The following RMDN1 variants were observed in gnomAD, a reference collection of about 807,000 sequenced individuals.
RMDN1 encodes the protein regulator of microtubule dynamics 1, also known as regulator of microtubule dynamics protein 1.
Under a neutral mutation model 48.9 loss-of-function variants are expected in RMDN1, and 48 were observed. The ratio of observed to expected loss-of-function variants is 0.98; its 90% CI spans 0.78 to 1.25. The LOEUF (loss-of-function observed/expected upper bound fraction) is 1.25. RMDN1 is among the 50% of genes most tolerant of loss of function. The pLI is 0.00. For missense variants in RMDN1, 418 were observed against 373.4 expected, an observed-to-expected ratio of 1.12 and a Z score of -0.98; for synonymous variants, 148 against 132.6, an observed-to-expected ratio of 1.12 and a Z score of -0.80.
intron 1 of RMDN1, among the ~76,000 whole-genome samples, chr8:86,513,889 C>T (rs1820174946): frequency 6.7e-6 from 1 of 149,826 alleles, no homozygotes; most frequent in Admixed American, 6.6e-5. Context: ...GTCTGTTTGT[C>T]ACCCAGGCTG....
intron 2 of RMDN1, among the ~76,000 whole-genome samples, chr8:86,501,603 G>A (rs1586756361): frequency 6.6e-6 from 1 of 151,914 alleles, no homozygotes; most frequent in Admixed American, 6.5e-5. Context: ...GGCCCGGGGA[G>A]GTAGAGGCTA....
rs1812693889 is a variant in RMDN1, at chr8:86,472,438, G to T, written c.*1870C>A. 1.4e-6 allele frequency: 1 copy of T among 702,378 alleles called. No individual in the cohort carries two copies. The highest frequency in any genetic ancestry group is 2.6e-6 in the Non-Finnish European group (1 of 384,976). 43.5% of individuals were successfully genotyped at this position (702,378 alleles called of 1,614,324 possible). ...CAGCAGAATGCCACATCCCTAGAAA[G>T]ACCCACTTCCTGGCCCTTCAGCTGC... On this transcript the variant is annotated 3_prime_UTR_variant, in exon 10 of 10. Transcript: ENST00000406452.
At chr8:86,501,591 C>T (rs1211083181) in intron 2 of RMDN1, among the ~76,000 whole-genome samples, 3 of 151,800 alleles carry the variant, frequency 2.0e-5, no homozygotes, top group Non-Finnish European at 2.9e-5. Context: ...GAGAATCACC[C>T]GGGCCCGGGG....
At position 86,500,390 on chromosome 8, in the gene RMDN1, A is replaced by C. The variant is rs902765889; in HGVS notation, c.247+6605T>G. Among the ~76,000 whole-genome samples the C allele has an allele frequency of 5.3e-5, 8 of 152,272 alleles. 1 individual carries two copies. The Middle Eastern group carries it at 0.01, about 194-fold the overall frequency. ...AAAAGACATGAACACTTCTCAAAAA[A>C]AGACATACAAGCAGCAGCCAATAAA... On this transcript the variant is annotated intron_variant, in intron 2 of 9. Transcript: ENST00000406452.
chr8:86,471,486 A>T (rs909829851), downstream of RMDN1, among the ~76,000 whole-genome samples: 18 of 152,278 alleles, frequency 1.2e-4, 1 homozygote, highest in Middle Eastern at 0.01. Context: ...TTAGATATTT[A>T]AAAAATCTGA....
At chr8:86,474,444 AAG>A in intron 9 of RMDN1, 86 bp from the exon 10 acceptor site, 1 of 1,122,330 alleles carries the variant, frequency 8.9e-7, no homozygotes, top group Non-Finnish European at 1.3e-6. Flanking sequence ...TGGGGTTTCT[AAG>A]AGTTTCCAAA....
intron 3 of RMDN1, among the ~76,000 whole-genome samples, chr8:86,487,486 G>T (rs886145951): frequency 5.9e-5 from 9 of 152,132 alleles, no homozygotes; most frequent in African/African-American, 1.9e-4. Flanking sequence ...TACTCGGGAG[G>T]CTGAGCCAGA....
At chr8:86,469,178 T>C (rs192488232), downstream of RMDN1, among the ~76,000 whole-genome samples, 2 of 138,566 alleles carry the variant, frequency 1.4e-5, no homozygotes, top group African/African-American at 5.0e-5. Flanking sequence ...TTTTGTTTGT[T>C]TGTCCCGCCC....
Position 86,480,346 on chromosome 8 carries a change from A to G in RMDN1, c.586-14T>C, listed in dbSNP as rs553191030. ...TTCAATTGCTTTCTAACAAGAAATG[A>G]GAAAAATAAATCATATTTGTTTTCT... On this transcript the variant is annotated splice_polypyrimidine_tract_variant and intron_variant, in intron 5 of 9. Transcript: ENST00000406452. 2 of 1,440,092 alleles carry G rather than the reference A, an allele frequency of 1.4e-6. No individual in the cohort carries two copies. Among genetic ancestry groups the G allele is most frequent in the African/African-American group, 1.4e-5 (1 of 71,074 alleles). The allele number at this position is 1,440,092 out of a possible 1,614,324, so 89.2% of individuals were successfully genotyped here.
At position 86,504,228 on chromosome 8, in the gene RMDN1, C is replaced by G. The variant is rs1388189314; in HGVS notation, c.247+2767G>C. On this transcript the variant is annotated intron_variant, in intron 2 of 9. Coordinates refer to ENST00000406452, the MANE Select transcript of RMDN1 (RefSeq NM_016033.3). ...AAAGTCCCAGGTTTTTGCTCATTAA[C>G]AGAAAAGAAGAGGAGAATGCTAAGT... 3.2e-6 allele frequency: 5 copies of G among 1,560,934 alleles called. No individual in the cohort carries two copies. In the African/African-American group the frequency reaches 6.8e-5, roughly 21 times the overall value.
At chr8:86,501,924 A>C (rs1818301696) in intron 2 of RMDN1, among the ~76,000 whole-genome samples, 1 of 152,126 alleles carries the variant, frequency 6.6e-6, no homozygotes, top group African/African-American at 2.4e-5. Context: ...TACATTTAAA[A>C]AAAAAAAAAA....
chr8:86,502,244 T>C (rs536735107), intron 2 of RMDN1, among the ~76,000 whole-genome samples: 6 of 152,082 alleles, frequency 3.9e-5, no homozygotes, highest in Non-Finnish European at 8.8e-5. Context: ...AACTGGCAAG[T>C]CTTTTTTTTT....
Position 86,491,370 on chromosome 8 carries a change from G to A in RMDN1, c.248-2731C>T, listed in dbSNP as rs569737863. On this transcript the variant is annotated intron_variant, in intron 2 of 9. Coordinates refer to ENST00000406452, the MANE Select transcript of RMDN1 (RefSeq NM_016033.3). ...AGGATGGCTTTGATGTCTTGACCTCGTGGTCTGCACTGCAAAAAATCAGTG... is the reference window on the plus strand; with the variant it reads ...AGGATGGCTTTGATGTCTTGACCTCATGGTCTGCACTGCAAAAAATCAGTG... Among the ~76,000 whole-genome samples the A allele has an allele frequency of 3.2e-4, 48 of 152,098 alleles. No individual in the cohort carries two copies. The East Asian group carries it at 8.1e-3, about 26-fold the overall frequency.
Position 86,481,749 on chromosome 8 carries a change from T to C in RMDN1, c.586-1417A>G, listed in dbSNP as rs1417945760. 3.5e-6 allele frequency: 3 copies of C among 847,248 alleles called. No homozygotes were observed. The East Asian group carries it at 8.8e-5, about 25-fold the overall frequency. The allele number at this position is 847,248 out of a possible 1,614,324, so 52.5% of individuals were successfully genotyped here. A position where few individuals can be genotyped will look rare whatever the true frequency, so the allele number is the denominator to read the frequency against. On this transcript the variant is annotated intron_variant, in intron 5 of 9. Coordinates refer to ENST00000406452, the MANE Select transcript of RMDN1 (RefSeq NM_016033.3). ...GTTCTGCTTTCTTTGGTAATTCCTATTTTTTTAGCTTCCTGGAGAAGAGAT... is the reference window on the plus strand; with the variant it reads ...GTTCTGCTTTCTTTGGTAATTCCTACTTTTTTAGCTTCCTGGAGAAGAGAT...
intron 7 of RMDN1, among the ~76,000 whole-genome samples, chr8:86,477,710 ATTT>A (rs1028062546): frequency 1.3e-5 from 2 of 152,174 alleles, no homozygotes; most frequent in Non-Finnish European, 2.9e-5. Context: ...GTACTAGTGA[ATTT>A]TTAAGAGTCC....
chr8:86,504,638 G>T, intron 2 of RMDN1: 1 of 892,548 alleles, frequency 1.1e-6, no homozygotes, highest in Non-Finnish European at 1.9e-6. Context: ...ATGACTGTTT[G>T]TTATTAAAGG....
upstream of RMDN1, among the ~76,000 whole-genome samples, chr8:86,513,331 C>T (rs1028595730): frequency 6.6e-5 from 10 of 152,086 alleles, no homozygotes; most frequent in South Asian, 2.1e-4. Context: ...GCTGAGATCG[C>T]GCCATTGCAC....
chr8:86,508,656 A>T lies in RMDN1; in HGVS notation c.-36T>A. The T allele has an allele frequency of 6.4e-7, 1 of 1,564,760 alleles. No individual in the cohort carries two copies. The highest frequency in any genetic ancestry group is 8.7e-7 in the Non-Finnish European group (1 of 1,154,650). ...TTGCGGGCTGACCCTGCACTACTTC[A>T]GGCAGCTACGGAGGCGGGCGGGGCT... is the stretch of plus-strand genomic sequence containing the variant. On this transcript the variant is annotated 5_prime_UTR_variant, in exon 1 of 10. Coordinates refer to ENST00000406452, the MANE Select transcript of RMDN1 (RefSeq NM_016033.3).
chr8:86,508,895 T>G (rs965056307), upstream of RMDN1: 2 of 811,118 alleles, frequency 2.5e-6, no homozygotes, highest in East Asian at 4.6e-5. Context: ...GCGCTCTGAC[T>G]TGTTTCTGCT....
Sources: allele counts gnomAD v4.1 joint callset (sites outside exome capture counted in the v4.1 genomes callset), GRCh38; gene constraint gnomAD v4.1.1; transcripts MANE v1.5; gene names NCBI Gene and HGNC (gene_info 2026-07-23, HGNC 2026-07-21).